The following DLGAP2 variants were observed in gnomAD, a reference collection of about 807,000 sequenced individuals.
DLGAP2 encodes the protein disks large-associated protein 2.
DLGAP2 carries 26 observed loss-of-function variants against 100.3 expected under a neutral mutation model. That is an observed-to-expected ratio of 0.26 (90% CI 0.19 to 0.36). The LOEUF (loss-of-function observed/expected upper bound fraction) is 0.36, where lower values mean the gene tolerates loss of function less well. DLGAP2 is among the 10% of genes least tolerant of loss of function. The pLI, the probability that DLGAP2 is intolerant of heterozygous loss-of-function variation, is 1.00. For synonymous variants in DLGAP2, 886 were observed against 630.1 expected (o/e 1.41, Z -6.08); for missense variants, 1,858 against 1,453.2 (o/e 1.28, Z -4.53).
chr8:1,565,346 T>A (rs1245443566), intron 5 of DLGAP2, among the ~76,000 whole-genome samples: 3 of 152,196 alleles, frequency 2.0e-5, no homozygotes, highest in African/African-American at 7.2e-5. Context: ...TTTCTCAACT[T>A]TCAATTTCCT....
chr8:1,271,848 T>G (rs1317548208), intron 3 of DLGAP2, among the ~76,000 whole-genome samples: 1 of 152,238 alleles, frequency 6.6e-6, no homozygotes, highest in East Asian at 1.9e-4. Context: ...AGACTCTTGT[T>G]CTATCACCCA....
chr8:1,624,921 T>A (rs565460949), intron 6 of DLGAP2, among the ~76,000 whole-genome samples: 25 of 151,714 alleles, frequency 1.6e-4, no homozygotes, highest in African/African-American at 6.1e-4. Context: ...GAGGGGAAGG[T>A]AGGTAGGAGC....
intron 3 of DLGAP2, among the ~76,000 whole-genome samples, chr8:1,366,489 C>T (rs1006635529): frequency 2.0e-5 from 3 of 152,188 alleles, no homozygotes; most frequent in Non-Finnish European, 4.4e-5. Context: ...GGAGGCCTTC[C>T]TGGAGTTGGT....
At chr8:898,107 G>A (rs181594046) in intron 1 of DLGAP2, among the ~76,000 whole-genome samples, 19 of 152,316 alleles carry the variant, frequency 1.2e-4, no homozygotes, top group Admixed American at 5.2e-4. Flanking sequence ...TCAGGTCTAC[G>A]ATACCCGTAC....
chr8:1,261,076 T>G (rs992830278), intron 3 of DLGAP2, among the ~76,000 whole-genome samples: 2 of 152,192 alleles, frequency 1.3e-5, no homozygotes, highest in African/African-American at 4.8e-5. Context: ...CTTCCAGATC[T>G]TTAAAACGAG....
At chr8:841,801 T>C (rs962428448) in intron 1 of DLGAP2, among the ~76,000 whole-genome samples, 3 of 152,190 alleles carry the variant, frequency 2.0e-5, no homozygotes, top group African/African-American at 7.2e-5. Context: ...TACTTCCAAT[T>C]TGAACTTAGG....
intron 3 of DLGAP2, among the ~76,000 whole-genome samples, chr8:1,417,923 T>C (rs1796976707): frequency 6.6e-6 from 1 of 152,082 alleles, no homozygotes; most frequent in African/African-American, 2.4e-5. Flanking sequence ...AAATATTACA[T>C]TTTCAAAATA....
At chr8:1,532,510 A>T (rs1801017840) in intron 4 of DLGAP2, among the ~76,000 whole-genome samples, 2 of 152,150 alleles carry the variant, frequency 1.3e-5, no homozygotes, top group Admixed American at 1.3e-4. Flanking sequence ...TTACCTACCC[A>T]AAGGATGGAA....
intron 1 of DLGAP2, among the ~76,000 whole-genome samples, chr8:767,062 T>G (rs1821233104): frequency 6.6e-6 from 1 of 152,146 alleles, no homozygotes; most frequent in Admixed American, 6.5e-5. Flanking sequence ...GCACTGTAAC[T>G]TCTAGGAAAG....
At chr8:1,180,855 T>C (rs1445576916) in intron 2 of DLGAP2, among the ~76,000 whole-genome samples, 1 of 123,526 alleles carries the variant, frequency 8.1e-6, no homozygotes, top group Non-Finnish European at 1.8e-5. Context: ...GCAGTACACT[T>C]ACCGTCGAAT....
At chr8:970,873 C>T (rs1280833473) in intron 2 of DLGAP2, among the ~76,000 whole-genome samples, 1 of 152,174 alleles carries the variant, frequency 6.6e-6, no homozygotes, top group African/African-American at 2.4e-5. Flanking sequence ...ACTATCTTAA[C>T]CTTGTTAACG....
intron 5 of DLGAP2, among the ~76,000 whole-genome samples, chr8:1,557,682 G>A (rs1421478383): frequency 3.9e-5 from 6 of 152,142 alleles, no homozygotes; most frequent in African/African-American, 9.7e-5. Context: ...GCCCAAGACC[G>A]TGGAGTCCCA....
intron 3 of DLGAP2, among the ~76,000 whole-genome samples, chr8:1,476,366 C>G (rs1053989552): frequency 5.3e-5 from 8 of 152,188 alleles, no homozygotes; most frequent in African/African-American, 1.4e-4. Flanking sequence ...TCGGCTGCAT[C>G]ACAAAGTAAA....
chr8:1,647,488 CAAAAAAAAAAAAAAAAAAAAAAAAA>C (rs567451595), intron 8 of DLGAP2, among the ~76,000 whole-genome samples: 3 of 44,968 alleles, frequency 6.7e-5, no homozygotes, highest in Admixed American at 2.8e-4. Flanking sequence ...GACTCTGTCT[CAAAAAAAAAAAAAAAAAAAAAAAAA>C]AAAAAAAAAA....
intron 2 of DLGAP2, among the ~76,000 whole-genome samples, chr8:1,184,388 A>T (rs182050943): frequency 1.1e-3 from 160 of 152,354 alleles, no homozygotes; most frequent in African/African-American, 3.7e-3. Flanking sequence ...CCGCAAGCTC[A>T]TGTCTTCCTT....
At chr8:1,024,588 G>T (rs1169647382) in intron 2 of DLGAP2, among the ~76,000 whole-genome samples, 1 of 152,206 alleles carries the variant, frequency 6.6e-6, no homozygotes, top group Non-Finnish European at 1.5e-5. Context: ...GTGCCTCCTT[G>T]CTTCCTTTGA....
At chr8:1,354,571 AGATGATGCTGTG>A (rs1263309904) in intron 3 of DLGAP2, among the ~76,000 whole-genome samples, 1 of 152,190 alleles carries the variant, frequency 6.6e-6, no homozygotes, top group Non-Finnish European at 1.5e-5. Flanking sequence ...GGGGCCATTA[AGATGATGCTGTG>A]GGTGAAGGTG....
intron 1 of DLGAP2, among the ~76,000 whole-genome samples, chr8:826,427 T>C (rs140631120): frequency 1.3e-5 from 2 of 152,320 alleles, no homozygotes; most frequent in African/African-American, 4.8e-5. Flanking sequence ...TTCACTTTGG[T>C]TTTAATTTGC....
chr8:1,581,214 G>C (rs925531593), intron 6 of DLGAP2, among the ~76,000 whole-genome samples: 1 of 150,080 alleles, frequency 6.7e-6, no homozygotes, highest in Non-Finnish European at 1.5e-5. Flanking sequence ...CAAACTACCA[G>C]AAGTGAAGGA....
Sources: gnomAD v4.1 joint callset for allele counts (sites outside exome capture counted in the v4.1 genomes callset) on GRCh38, gnomAD v4.1.1 for gene constraint, MANE v1.5 for transcripts, NCBI Gene and HGNC (gene_info 2026-07-23, HGNC 2026-07-21) for gene names.